The following TMEM91 variants were observed in gnomAD, a reference collection of about 807,000 sequenced individuals.
The protein encoded by TMEM91 is dispanin subfamily C member 3.
TMEM91 carries 6 observed loss-of-function variants against 13.3 expected under a neutral mutation model. That is an observed-to-expected ratio of 0.45 (90% CI 0.25 to 0.89). The LOEUF (loss-of-function observed/expected upper bound fraction) is 0.89, where lower values mean the gene tolerates loss of function less well. Ranked by LOEUF, TMEM91 falls within the 40% of genes least tolerant of loss-of-function variation. The pLI, the probability that TMEM91 is intolerant of heterozygous loss-of-function variation, is 0.19. For missense variants in TMEM91, 193 were observed against 228.7 expected, an observed-to-expected ratio of 0.84 and a Z score of 1.01; for synonymous variants, 87 against 101.7, an observed-to-expected ratio of 0.86 and a Z score of 0.87.
At chr19:41,380,084 A>G (rs2038843694) in intron 2 of TMEM91, among the ~76,000 whole-genome samples, 1 of 151,688 alleles carries the variant, frequency 6.6e-6, no homozygotes, top group South Asian at 2.1e-4. Flanking sequence ...TAGTAGAGAC[A>G]GGGTTTCACT....
chr19:41,365,485 ATC>A (rs1568487574), intron 1 of TMEM91, among the ~76,000 whole-genome samples: 1 of 151,598 alleles, frequency 6.6e-6, no homozygotes, highest in East Asian at 2.0e-4. Flanking sequence ...GCTCACTGCA[ATC>A]TCTGCCTCCC....
intron 1 of TMEM91, among the ~76,000 whole-genome samples, chr19:41,367,579 T>C (rs1201244336): frequency 6.6e-6 from 1 of 152,212 alleles, no homozygotes; most frequent in Non-Finnish European, 1.5e-5. Context: ...TGCAGTGATC[T>C]GAGATCGTGC....
upstream of TMEM91, among the ~76,000 whole-genome samples, chr19:41,375,342 G>A (rs1183455980): frequency 9.9e-5 from 13 of 131,518 alleles, no homozygotes; most frequent in African/African-American, 3.4e-4. Context: ...GCAGTGGCGC[G>A]ATCTCGGCTC....
chr19:41,364,173 T>C (rs925941165), intron 1 of TMEM91: 3 of 160,588 alleles, frequency 1.9e-5, no homozygotes, highest in Admixed American at 1.2e-4. Context: ...GCTCCTCCCC[T>C]AGCTTTGTAC....
At chr19:41,363,951 T>G (rs2038463094), upstream of TMEM91, 1 of 321,942 alleles carries the variant, frequency 3.1e-6, no homozygotes, top group South Asian at 3.2e-5. Context: ...GCATGCGTCA[T>G]TCCTACCTTA....
At chr19:41,371,571 C>G (rs2038624379), upstream of TMEM91, among the ~76,000 whole-genome samples, 1 of 151,802 alleles carries the variant, frequency 6.6e-6, no homozygotes, top group South Asian at 2.1e-4. Flanking sequence ...AGGCGCACAC[C>G]ACCAAGTCCA....
chr19:41,379,395 G>T lies in TMEM91; in HGVS notation c.210+876G>T, dbSNP rs183864444. On this transcript the variant is annotated intron_variant, in intron 2 of 3. Transcript: ENST00000392002. ...AAAAAAAAAAAAAAATTAGCCAGGT[G>T]TGATGGCGTGTTCCTGTAGTACCAG... 4.6e-5 allele frequency among the ~76,000 whole-genome samples: 7 copies of T among 150,846 alleles called. No homozygotes were observed. The East Asian group carries it at 1.2e-3, about 25-fold the overall frequency.
chr19:41,366,936 G>C (rs1017347994), intron 1 of TMEM91, among the ~76,000 whole-genome samples: 4 of 151,802 alleles, frequency 2.6e-5, no homozygotes. Flanking sequence ...TCAGGAGTTC[G>C]AGACCAGCCT....
Position 41,368,984 on chromosome 19 carries a change from C to T in TMEM91, c.-30+4889C>T, listed in dbSNP as rs143707137. ...ACAAAAAATTAGCTGGGTGTGGTGG[C>T]ATGCCCCTGTAGTCCCAGCTACTCT... On this transcript the variant is annotated intron_variant, in intron 1 of 3. Transcript: ENST00000413014. 8.5e-3 allele frequency among the ~76,000 whole-genome samples: 1,292 copies of T among 152,040 alleles called. 15 individuals carry two copies. Among genetic ancestry groups the T allele is most frequent in the African/African-American group, 0.03 (1,229 of 41,504 alleles).
At chr19:41,372,880 C>T (rs890241467), upstream of TMEM91, among the ~76,000 whole-genome samples, 1 of 152,092 alleles carries the variant, frequency 6.6e-6, no homozygotes, top group African/African-American at 2.4e-5. Flanking sequence ...CACCCAATAA[C>T]TTAATAGTTT....
At chr19:41,374,940 G>A (rs372207302), upstream of TMEM91, among the ~76,000 whole-genome samples, 9 of 152,188 alleles carry the variant, frequency 5.9e-5, no homozygotes, top group South Asian at 2.1e-4. Flanking sequence ...CCGAGATCAC[G>A]CCATTGCCCT....
chr19:41,382,928 C>G lies in TMEM91; in HGVS notation c.360+7C>G. On this transcript the variant is annotated splice_region_variant and intron_variant, in intron 3 of 3. Transcript: ENST00000392002. Reference sequence around the variant, plus strand: ...CTTCTGTCTAGCCCAGAAGGTCAGTCTGTGTGTGGGACTTGGAGGGGACTG... The same window carrying G: ...CTTCTGTCTAGCCCAGAAGGTCAGTGTGTGTGTGGGACTTGGAGGGGACTG... 1 of 1,613,908 alleles carries G rather than the reference C, an allele frequency of 6.2e-7. No individual in the cohort carries two copies. Among genetic ancestry groups the G allele is most frequent in the Non-Finnish European group, 8.5e-7 (1 of 1,179,910 alleles).
upstream of TMEM91, among the ~76,000 whole-genome samples, chr19:41,372,940 T>TTTTTGC (rs2038647641): frequency 6.6e-6 from 1 of 151,806 alleles, no homozygotes; most frequent in African/African-American, 2.4e-5. Context: ...TTTGTTTTTG[T>TTTTTGC]TTTTGTTTTT....
At chr19:41,365,798 C>T (rs568863147) in intron 1 of TMEM91, among the ~76,000 whole-genome samples, 1 of 150,492 alleles carries the variant, frequency 6.6e-6, no homozygotes, top group Non-Finnish European at 1.5e-5. Flanking sequence ...ACAACCTCCG[C>T]CTCCCAGGTT....
At chr19:41,377,161 A>T (rs545292633) in intron 1 of TMEM91, 1 of 154,674 alleles carries the variant, frequency 6.5e-6, no homozygotes, top group African/African-American at 2.4e-5. Flanking sequence ...GTGTGGGTGG[A>T]GTAGGGCAGG....
In TMEM91 at chr19:41,378,369, G is replaced by T. The variant is rs762911985; in HGVS notation, c.60G>T (p.Glu20Asp). ...CTCTGCTGGAGGGCACAGAATGTGA[G>T]ACCCCTGCCCAGAAGCCTGGCAGGC... The part of the protein sequence containing the change: ...QQPLLEGTEC[E>D]TPAQKPGRHE... The change falls in exon 2 of 4, where the codon GAG (glutamate) becomes GAT (aspartate). Residue 20 changes from glutamate (E) to aspartate (D), a missense_variant. Coordinates refer to ENST00000392002, the MANE Select transcript of TMEM91 (RefSeq NM_001098821.2). The T allele has an allele frequency of 1.2e-6, 2 of 1,614,228 alleles. No homozygotes were observed. Among genetic ancestry groups the T allele is most frequent in the South Asian group, 1.1e-5 (1 of 91,092 alleles).
intron 1 of TMEM91, among the ~76,000 whole-genome samples, chr19:41,364,456 C>T (rs1160502306): frequency 1.3e-5 from 2 of 152,006 alleles, no homozygotes; most frequent in Non-Finnish European, 2.9e-5. Flanking sequence ...TCTCTGTGGT[C>T]CGGGATCACA....
upstream of TMEM91, among the ~76,000 whole-genome samples, chr19:41,373,147 C>T (rs1213567715): frequency 6.6e-6 from 1 of 152,052 alleles, no homozygotes; most frequent in African/African-American, 2.4e-5. Flanking sequence ...ACTTTGTTGC[C>T]CTGGCTGGTC....
chr19:41,378,924 C>T (rs893949934), intron 2 of TMEM91, among the ~76,000 whole-genome samples: 5 of 151,900 alleles, frequency 3.3e-5, no homozygotes, highest in Admixed American at 6.6e-5. Context: ...CTTGACCTCC[C>T]GGGCTTAAGC....
Sources: gnomAD v4.1 joint callset for allele counts (sites outside exome capture counted in the v4.1 genomes callset) on GRCh38, gnomAD v4.1.1 for gene constraint, MANE v1.5 for transcripts, NCBI Gene and HGNC (gene_info 2026-07-23, HGNC 2026-07-21) for gene names.